The following CNTNAP5 variants were observed in gnomAD, a reference collection of about 807,000 sequenced individuals.
The protein encoded by CNTNAP5 is contactin associated protein family member 5, also known as contactin-associated protein-like 5.
CNTNAP5 carries 72 observed loss-of-function variants against 150.2 expected under a neutral mutation model. The observed-to-expected ratio is 0.48, with a 90% CI of 0.40 to 0.58. CNTNAP5 has a LOEUF of 0.58. CNTNAP5 is among the 20% of genes least tolerant of loss of function. CNTNAP5 has a pLI of 0.00. For missense variants in CNTNAP5, 1,636 were observed against 1,626.2 expected, an observed-to-expected ratio of 1.01 and a Z score of -0.10; for synonymous variants, 672 against 619.8, an observed-to-expected ratio of 1.08 and a Z score of -1.25.
chr2:124,615,687 T>A (rs558303490), intron 12 of CNTNAP5, among the ~76,000 whole-genome samples: 1 of 152,310 alleles, frequency 6.6e-6, no homozygotes, highest in East Asian at 1.9e-4. Flanking sequence ...AGATCTACAA[T>A]GGCAAATGCT....
chr2:124,920,794 G>A lies in CNTNAP5; in HGVS notation c.*6506G>A, dbSNP rs1678856727. 6.6e-6 allele frequency among the ~76,000 whole-genome samples: 1 copy of A among 152,128 alleles called. No homozygotes were observed. The highest frequency in any genetic ancestry group is 6.6e-5 in the Admixed American group (1 of 15,250). Reference sequence around the variant, plus strand: ...GAGCATTACAGTGTCTGTTTCAGATGGGAAGTAAGTCTTCCTATGGCATGT... The same window carrying A: ...GAGCATTACAGTGTCTGTTTCAGATAGGAAGTAAGTCTTCCTATGGCATGT... On this transcript the variant is annotated 3_prime_UTR_variant, in exon 24 of 24. Transcript: ENST00000682447.
chr2:124,493,882 C>T (rs1216662593), intron 7 of CNTNAP5, among the ~76,000 whole-genome samples: 1 of 151,430 alleles, frequency 6.6e-6, no homozygotes, highest in African/African-American at 2.4e-5. Flanking sequence ...TCTAGAAAAG[C>T]AGCATATACT....
At chr2:124,421,670 G>A (rs1010727583) in intron 4 of CNTNAP5, among the ~76,000 whole-genome samples, 3 of 152,140 alleles carry the variant, frequency 2.0e-5, no homozygotes, top group African/African-American at 7.2e-5. Flanking sequence ...AGGAATGAAA[G>A]CATAGCATTC....
intron 11 of CNTNAP5, among the ~76,000 whole-genome samples, chr2:124,591,831 A>G (rs1171125447): frequency 6.6e-6 from 1 of 152,202 alleles, no homozygotes; most frequent in Non-Finnish European, 1.5e-5. Flanking sequence ...GTCTTCATCA[A>G]ACAAGTCTTG....
At chr2:124,273,817 C>T (rs1329267214) in intron 3 of CNTNAP5, among the ~76,000 whole-genome samples, 1 of 152,138 alleles carries the variant, frequency 6.6e-6, no homozygotes. Flanking sequence ...ATTCTCTTCC[C>T]TATAACTTTA....
chr2:124,737,955 T>C (rs1680421886), intron 13 of CNTNAP5, among the ~76,000 whole-genome samples: 1 of 152,174 alleles, frequency 6.6e-6, no homozygotes, highest in Non-Finnish European at 1.5e-5. Context: ...ATATTTTAAA[T>C]GCTCAATTAA....
chr2:124,299,689 A>C (rs1403994817), intron 3 of CNTNAP5, among the ~76,000 whole-genome samples: 4 of 152,178 alleles, frequency 2.6e-5, no homozygotes, highest in Non-Finnish European at 5.9e-5. Context: ...TCAAGCTACC[A>C]ATTTCCATAC....
At chr2:124,276,281 C>T (rs1330214675) in intron 3 of CNTNAP5, among the ~76,000 whole-genome samples, 1 of 152,154 alleles carries the variant, frequency 6.6e-6, no homozygotes, top group African/African-American at 2.4e-5. Context: ...TATCCCATGC[C>T]TAAGGGCATA....
intron 2 of CNTNAP5, among the ~76,000 whole-genome samples, chr2:124,226,523 T>C (rs1321739050): frequency 6.6e-5 from 10 of 152,196 alleles, no homozygotes; most frequent in Admixed American, 6.6e-4. Context: ...GATATTCGGC[T>C]TGCAAATATT....
chr2:124,770,826 C>T (rs1681174031), intron 16 of CNTNAP5, among the ~76,000 whole-genome samples: 1 of 152,168 alleles, frequency 6.6e-6, no homozygotes, highest in Non-Finnish European at 1.5e-5. Context: ...GCAGTATGTG[C>T]CAGGCACAGT....
At chr2:124,856,714 G>A (rs1677382506) in intron 19 of CNTNAP5, among the ~76,000 whole-genome samples, 1 of 152,104 alleles carries the variant, frequency 6.6e-6, no homozygotes, top group African/African-American at 2.4e-5. Flanking sequence ...CAAGGTACTG[G>A]GTGATCCTTG....
chr2:124,277,928 C>T (rs1687922158), intron 3 of CNTNAP5, among the ~76,000 whole-genome samples: 1 of 152,148 alleles, frequency 6.6e-6, no homozygotes, highest in Non-Finnish European at 1.5e-5. Context: ...TCCATAACTG[C>T]CCTTGTTACC....
intron 13 of CNTNAP5, 65 bp downstream of exon 13, chr2:124,648,023 A>C: frequency 5.4e-6 from 8 of 1,470,264 alleles, no homozygotes; most frequent in Non-Finnish European, 7.3e-6. Flanking sequence ...AGTATTAGGC[A>C]AAGGAAAATT....
At chr2:124,274,617 C>T (rs1240579979) in intron 3 of CNTNAP5, among the ~76,000 whole-genome samples, 1 of 152,202 alleles carries the variant, frequency 6.6e-6, no homozygotes, top group Non-Finnish European at 1.5e-5. Context: ...GGAATGTTTG[C>T]ATGTGCAGAG....
intron 12 of CNTNAP5, among the ~76,000 whole-genome samples, chr2:124,637,446 C>T (rs998235684): frequency 2.0e-5 from 3 of 152,238 alleles, no homozygotes; most frequent in South Asian, 4.2e-4. Flanking sequence ...TAGTGCAGCC[C>T]GTGAGCAGAC....
At chr2:124,459,508 G>T (rs1408643837) in intron 6 of CNTNAP5, among the ~76,000 whole-genome samples, 1 of 152,036 alleles carries the variant, frequency 6.6e-6, no homozygotes, top group African/African-American at 2.4e-5. Context: ...CAGCACTTTG[G>T]GAGGCTGAGG....
chr2:124,533,202 G>A (rs73956315), intron 10 of CNTNAP5, among the ~76,000 whole-genome samples: 3,304 of 152,204 alleles, frequency 0.022, 111 homozygotes, highest in African/African-American at 0.076. Context: ...ACTAGAATGA[G>A]CCTAGAGAGT....
chr2:124,131,395 C>T (rs953465217), intron 1 of CNTNAP5, among the ~76,000 whole-genome samples: 58 of 152,046 alleles, frequency 3.8e-4, no homozygotes, highest in African/African-American at 1.3e-3. Flanking sequence ...AATCTTATAT[C>T]GTAAGTATTA....
At chr2:124,853,312 C>T (rs1683193488) in intron 19 of CNTNAP5, among the ~76,000 whole-genome samples, 1 of 152,172 alleles carries the variant, frequency 6.6e-6, no homozygotes, top group Non-Finnish European at 1.5e-5. Flanking sequence ...GTTTGCTGCT[C>T]CTAATGGAAT....
Sources: allele counts gnomAD v4.1 joint callset (sites outside exome capture counted in the v4.1 genomes callset), GRCh38; gene constraint gnomAD v4.1.1; transcripts MANE v1.5; gene names NCBI Gene and HGNC (gene_info 2026-07-23, HGNC 2026-07-21).